TOX: variants seen among roughly 807,000 people sequenced by gnomAD.
TOX encodes thymocyte selection associated high mobility group box, also known as thymocyte selection-associated high mobility group box protein TOX.
Under a neutral mutation model 53.7 loss-of-function variants are expected in TOX, and 11 were observed. The ratio of observed to expected loss-of-function variants is 0.20; its 90% CI spans 0.13 to 0.34. TOX has a LOEUF of 0.34. Among genes scored for constraint, TOX ranks in the 10% least tolerant of loss-of-function variants. TOX has a pLI of 1.00. For missense variants in TOX, 570 were observed against 664.6 expected (o/e 0.86, Z 1.56); for synonymous variants, 225 against 245.3 (o/e 0.92, Z 0.77).
chr8:59,034,879 T>C (rs1273488092), intron 1 of TOX, among the ~76,000 whole-genome samples: 1 of 152,024 alleles, frequency 6.6e-6, no homozygotes, highest in Non-Finnish European at 1.5e-5. Context: ...TAGGAATGAG[T>C]ATCATCCCCA....
chr8:58,900,632 G>T (rs1186260973), intron 3 of TOX, among the ~76,000 whole-genome samples: 1 of 152,056 alleles, frequency 6.6e-6, no homozygotes, highest in Non-Finnish European at 1.5e-5. Context: ...TTCAGTAGCT[G>T]GTGACACCAT....
chr8:59,008,463 A>G (rs761123389), intron 1 of TOX, among the ~76,000 whole-genome samples: 3 of 152,180 alleles, frequency 2.0e-5, no homozygotes, highest in Non-Finnish European at 4.4e-5. Context: ...TGGGCTGCTC[A>G]CTTGCTGTTG....
At chr8:59,039,643 A>G (rs1803540580) in intron 1 of TOX, among the ~76,000 whole-genome samples, 2 of 151,510 alleles carry the variant, frequency 1.3e-5, no homozygotes, top group South Asian at 4.2e-4. Context: ...TTTTTTTCTC[A>G]TTACTCTCTT....
rs1554547199 is a variant in TOX, at chr8:59,107,049, G to GGGGT, written c.102+11836_102+11837insACCC. On this transcript the variant is annotated intron_variant, in intron 1 of 8. Transcript: ENST00000361421. ...ATGATCTTATAAAGCAGTTTGCTGG[G>GGGGT]GGGGGGGGGAACGTGACATTTCTAA... Among the ~76,000 whole-genome samples the GGGGT allele has an allele frequency of 5.0e-4, 65 of 130,256 alleles. 5 individuals carry two copies. Among genetic ancestry groups the GGGGT allele is most frequent in the Non-Finnish European group, 5.2e-4 (32 of 62,060 alleles). 85.5% of individuals were successfully genotyped at this position (130,256 alleles called of 152,430 possible). A position where few individuals can be genotyped will look rare whatever the true frequency, so the allele number is the denominator to read the frequency against.
At chr8:58,869,874 C>T (rs1811168985) in intron 3 of TOX, among the ~76,000 whole-genome samples, 2 of 151,314 alleles carry the variant, frequency 1.3e-5, no homozygotes, top group Admixed American at 6.6e-5. Context: ...AAATATAACA[C>T]CATGCATGAA....
At chr8:58,981,776 T>C (rs937473190) in intron 1 of TOX, among the ~76,000 whole-genome samples, 4 of 152,196 alleles carry the variant, frequency 2.6e-5, no homozygotes, top group Non-Finnish European at 4.4e-5. Flanking sequence ...TGTTGGAAAC[T>C]GAACTCTTTC....
At chr8:58,995,045 T>C (rs1386560356) in intron 1 of TOX, among the ~76,000 whole-genome samples, 2 of 152,224 alleles carry the variant, frequency 1.3e-5, no homozygotes, top group Admixed American at 6.5e-5. Flanking sequence ...CTCATCAGTG[T>C]CAATGAACAT....
chr8:58,874,340 A>G (rs1222042120), intron 3 of TOX, among the ~76,000 whole-genome samples: 1 of 152,054 alleles, frequency 6.6e-6, no homozygotes, highest in Non-Finnish European at 1.5e-5. Flanking sequence ...TTAGGGAAGG[A>G]AAGAGTGAGA....
chr8:58,948,992 AT>A (rs1812573340), intron 2 of TOX, among the ~76,000 whole-genome samples: 1 of 152,126 alleles, frequency 6.6e-6, no homozygotes, highest in African/African-American at 2.4e-5. Flanking sequence ...TTGAGCTTGG[AT>A]TTTGGAGCTG....
intron 1 of TOX, among the ~76,000 whole-genome samples, chr8:58,987,459 C>T (rs1813353940): frequency 6.6e-6 from 1 of 152,144 alleles, no homozygotes; most frequent in Non-Finnish European, 1.5e-5. Context: ...TAAGTTAGCC[C>T]TTCGTTTGTA....
chr8:58,872,293 G>C (rs1811211678), intron 3 of TOX, among the ~76,000 whole-genome samples: 1 of 151,918 alleles, frequency 6.6e-6, no homozygotes, highest in Non-Finnish European at 1.5e-5. Context: ...TAAAGTAAAG[G>C]GTTGAATAAG....
Position 58,894,998 on chromosome 8 carries a change from G to A in TOX, c.412-43193C>T, listed in dbSNP as rs976429517. ...AGGTCAGGAGTTTGAGACCAGCCTG[G>A]CCAATATGGGGAAACCGTGTCTCTA... On this transcript the variant is annotated intron_variant, in intron 3 of 8. Transcript: ENST00000361421. Among the ~76,000 whole-genome samples, 4 of 152,056 alleles carry A rather than the reference G, an allele frequency of 2.6e-5. No individual in the cohort carries two copies. In the East Asian group the frequency reaches 7.7e-4, roughly 29 times the overall value.
intron 3 of TOX, among the ~76,000 whole-genome samples, chr8:58,884,729 T>A (rs753880277): frequency 9.8e-5 from 15 of 152,310 alleles, no homozygotes; most frequent in Middle Eastern, 3.4e-3. Flanking sequence ...ATAAAGGCTT[T>A]AAAAATTCTT....
chr8:58,817,303 C>T (rs916375952), intron 6 of TOX, among the ~76,000 whole-genome samples: 3 of 151,658 alleles, frequency 2.0e-5, no homozygotes, highest in African/African-American at 7.3e-5. Flanking sequence ...TTAAAAACAT[C>T]AAAAACTGTT....
At chr8:58,827,747 T>G (rs953548697) in intron 5 of TOX, among the ~76,000 whole-genome samples, 1 of 152,206 alleles carries the variant, frequency 6.6e-6, no homozygotes, top group Non-Finnish European at 1.5e-5. Context: ...AAGGTCACAT[T>G]GCTAAGTTAA....
intron 3 of TOX, among the ~76,000 whole-genome samples, chr8:58,864,539 C>T (rs7826573): frequency 0.35 from 53,189 of 151,772 alleles, 9,395 homozygotes; most frequent in African/African-American, 0.4. Context: ...TTTATGGGTA[C>T]AGCAACAGTA....
intron 5 of TOX, among the ~76,000 whole-genome samples, chr8:58,835,341 T>C (rs1324433043): frequency 1.3e-5 from 2 of 152,164 alleles, no homozygotes; most frequent in Non-Finnish European, 2.9e-5. Flanking sequence ...TGCACATAAT[T>C]GTAATTATAT....
At chr8:58,958,560 A>G (rs1563400935) in intron 2 of TOX, among the ~76,000 whole-genome samples, 2 of 152,242 alleles carry the variant, frequency 1.3e-5, no homozygotes, top group East Asian at 1.9e-4. Flanking sequence ...AAGAAAATTA[A>G]TAGTAACATT....
At chr8:58,922,561 T>C (rs530675243) in intron 3 of TOX, among the ~76,000 whole-genome samples, 1 of 152,272 alleles carries the variant, frequency 6.6e-6, no homozygotes, top group South Asian at 2.1e-4. Flanking sequence ...TATACATATA[T>C]ATAAAAAACA....
Sources: gnomAD v4.1 joint callset for allele counts (sites outside exome capture counted in the v4.1 genomes callset) on GRCh38, gnomAD v4.1.1 for gene constraint, MANE v1.5 for transcripts, NCBI Gene and HGNC (gene_info 2026-07-23, HGNC 2026-07-21) for gene names.